Variants in SPAG16 observed in about 807,000 individuals in gnomAD.
The protein encoded by SPAG16 is sperm-associated antigen 16 protein.
SPAG16 carries 86 observed loss-of-function variants against 80.4 expected under a neutral mutation model. That is an observed-to-expected ratio of 1.07 (90% CI 0.90 to 1.28). The LOEUF (loss-of-function observed/expected upper bound fraction) is 1.28, where lower values mean the gene tolerates loss of function less well. SPAG16 is among the 50% of genes most tolerant of loss of function. SPAG16 has a pLI of 0.00. For synonymous variants in SPAG16, 294 were observed against 265.9 expected, an observed-to-expected ratio of 1.11 and a Z score of -1.03; for missense variants, 870 against 765.3, an observed-to-expected ratio of 1.14 and a Z score of -1.61.
At chr2:214,377,183 T>TC in intron 15 of SPAG16, among the ~76,000 whole-genome samples, 1 of 152,100 alleles carries the variant, frequency 6.6e-6, no homozygotes, top group South Asian at 2.1e-4. Flanking sequence ...GTTCATCTCT[T>TC]CGGTAAGTTG....
intron 10 of SPAG16, among the ~76,000 whole-genome samples, chr2:213,781,984 CTG>C (rs1165683845): frequency 2.0e-5 from 3 of 152,186 alleles, no homozygotes; most frequent in Non-Finnish European, 4.4e-5. Flanking sequence ...ACTACCTCCT[CTG>C]TGTTTTCACC....
intron 9 of SPAG16, among the ~76,000 whole-genome samples, chr2:213,420,084 G>T (rs1440758176): frequency 3.9e-5 from 6 of 152,034 alleles, no homozygotes; most frequent in Admixed American, 3.9e-4. Context: ...ATAAACATTG[G>T]TTTACAATTT....
intron 9 of SPAG16, among the ~76,000 whole-genome samples, chr2:213,449,823 A>G (rs1263517063): frequency 1.8e-5 from 2 of 113,876 alleles, no homozygotes; most frequent in African/African-American, 2.6e-5. Flanking sequence ...AATAGATAAA[A>G]TAAAATGTAA....
intron 9 of SPAG16, among the ~76,000 whole-genome samples, chr2:213,396,399 A>G (rs1023894031): frequency 2.0e-5 from 3 of 152,202 alleles, no homozygotes; most frequent in Non-Finnish European, 2.9e-5. Flanking sequence ...TTCCCCATGC[A>G]GATCTTGTAC....
intron 10 of SPAG16, among the ~76,000 whole-genome samples, chr2:213,780,185 C>T (rs2069855045): frequency 6.6e-6 from 1 of 152,174 alleles, no homozygotes; most frequent in African/African-American, 2.4e-5. Context: ...TCCTGCACTC[C>T]ACCCTCCCAA....
intron 12 of SPAG16, among the ~76,000 whole-genome samples, chr2:213,948,898 G>T (rs1025677252): frequency 2.8e-4 from 43 of 152,110 alleles, no homozygotes; most frequent in African/African-American, 9.4e-4. Flanking sequence ...TTTTTAAAAG[G>T]TATATTTCCC....
intron 9 of SPAG16, among the ~76,000 whole-genome samples, chr2:213,425,633 C>T (rs945152580): frequency 4.2e-5 from 5 of 119,540 alleles, no homozygotes; most frequent in African/African-American, 1.6e-4. Context: ...GCCTGGGTGA[C>T]AGAGCAAGAC....
At chr2:214,003,059 C>A (rs2124890162) in intron 12 of SPAG16, among the ~76,000 whole-genome samples, 1 of 152,236 alleles carries the variant, frequency 6.6e-6, no homozygotes. Context: ...GTGTAAATAC[C>A]CTCACCATAA....
At chr2:213,481,060 A>G (rs1043219915) in intron 9 of SPAG16, among the ~76,000 whole-genome samples, 1 of 152,254 alleles carries the variant, frequency 6.6e-6, no homozygotes, top group Non-Finnish European at 1.5e-5. Context: ...TGAACGCAAC[A>G]TGACAAGCCA....
rs189773568 is a variant in SPAG16 at position 213,359,419 on chromosome 2, G to A, written c.763-4657G>A. On this transcript the variant is annotated intron_variant, in intron 7 of 15. Transcript: ENST00000331683. ...GAGGCAGTAGGCCTTGCTGAGCTGC[G>A]GTGGGCTCCTCCAGTTTGAGCTTCC... Among the ~76,000 whole-genome samples, 443 of 152,238 alleles carry A rather than the reference G, an allele frequency of 2.9e-3. 1 individual carries two copies. Among genetic ancestry groups the A allele is most frequent in the Non-Finnish European group, 4.9e-3 (333 of 68,004 alleles).
intron 10 of SPAG16, among the ~76,000 whole-genome samples, chr2:213,533,507 C>T (rs2076143156): frequency 1.3e-5 from 2 of 152,168 alleles, no homozygotes; most frequent in South Asian, 4.1e-4. Context: ...GTCCCTGCAA[C>T]ATTTGACATC....
At chr2:213,743,089 G>A (rs916708916) in intron 10 of SPAG16, among the ~76,000 whole-genome samples, 1 of 151,342 alleles carries the variant, frequency 6.6e-6, no homozygotes, top group Non-Finnish European at 1.5e-5. Context: ...ATTTTTGGTA[G>A]AGACAGGGTT....
At chr2:213,518,204 CATCTGCCATCATCAGAGA>C (rs1435521750) in intron 10 of SPAG16, among the ~76,000 whole-genome samples, 11 of 152,216 alleles carry the variant, frequency 7.2e-5, no homozygotes, top group African/African-American at 2.7e-4. Context: ...ACATGCTCAT[CATCTGCCATCATCAGAGA>C]ATTGCAGATC....
chr2:213,397,451 C>T (rs913464497), intron 9 of SPAG16, among the ~76,000 whole-genome samples: 1 of 152,076 alleles, frequency 6.6e-6, no homozygotes, highest in African/African-American at 2.4e-5. Context: ...ATCAGATTTG[C>T]CCACTCATTG....
At chr2:214,038,785 A>T (rs1318950069) in intron 13 of SPAG16, among the ~76,000 whole-genome samples, 1 of 150,292 alleles carries the variant, frequency 6.7e-6, no homozygotes, top group East Asian at 2.0e-4. Context: ...GAGTGAGAAC[A>T]CGCAGTGTTT....
At chr2:214,383,269 C>G (rs1700556657) in intron 15 of SPAG16, among the ~76,000 whole-genome samples, 1 of 152,010 alleles carries the variant, frequency 6.6e-6, no homozygotes, top group South Asian at 2.1e-4. Flanking sequence ...AAAAGAGGCC[C>G]CCAAAAGATT....
At chr2:213,643,345 ATTTTATATATATAT>A (rs2062676631) in intron 10 of SPAG16, among the ~76,000 whole-genome samples, 2 of 46,162 alleles carry the variant, frequency 4.3e-5, no homozygotes, top group African/African-American at 1.9e-4. Flanking sequence ...TTGGATCTTA[ATTTTATATATATAT>A]ATATATATAT....
At chr2:214,113,144 C>A (rs1001344605) in intron 14 of SPAG16, among the ~76,000 whole-genome samples, 1 of 152,118 alleles carries the variant, frequency 6.6e-6, no homozygotes, top group Admixed American at 6.5e-5. Flanking sequence ...TGAATATTGT[C>A]CCCCACTCTC....
intron 10 of SPAG16, among the ~76,000 whole-genome samples, chr2:213,550,312 G>C (rs1388884404): frequency 1.3e-5 from 2 of 151,254 alleles, no homozygotes; most frequent in African/African-American, 4.9e-5. Flanking sequence ...CAAAGTCCTA[G>C]TCTTCTTTCT....
Sources: gnomAD v4.1 joint callset for allele counts (sites outside exome capture counted in the v4.1 genomes callset) on GRCh38, gnomAD v4.1.1 for gene constraint, MANE v1.5 for transcripts, NCBI Gene and HGNC (gene_info 2026-07-23, HGNC 2026-07-21) for gene names.